The following DNAH3 variants were observed in gnomAD, a reference collection of about 807,000 sequenced individuals.
DNAH3 encodes the protein dynein axonemal heavy chain 3, also known as axonemal beta dynein heavy chain 3.
In DNAH3, 332 loss-of-function variants were observed where a neutral mutation model predicts 432.5. The observed-to-expected ratio is 0.77, with a 90% CI of 0.70 to 0.84. The LOEUF is 0.84. DNAH3 is among the 40% of genes least tolerant of loss of function. The pLI, the probability that DNAH3 is intolerant of heterozygous loss-of-function variation, is 0.00. For synonymous variants in DNAH3, 1,956 were observed against 1,900.2 expected (o/e 1.03, Z -0.76); for missense variants, 4,861 against 5,114.0 (o/e 0.95, Z 1.51).
intron 26 of DNAH3, among the ~76,000 whole-genome samples, chr16:21,059,134 A>G (rs1349301577): frequency 6.6e-6 from 1 of 152,224 alleles, no homozygotes; most frequent in Non-Finnish European, 1.5e-5. Context: ...GTCTTATAAC[A>G]TTATGTTGTA....
chr16:21,123,720 T>C (rs2092390750), intron 9 of DNAH3, among the ~76,000 whole-genome samples: 1 of 152,204 alleles, frequency 6.6e-6, no homozygotes, highest in South Asian at 2.1e-4. Context: ...AGAATATTCA[T>C]CGATTTTTAG....
chr16:21,037,927 G>A, exon 34 of DNAH3: 1 of 1,614,216 alleles, frequency 6.2e-7, no homozygotes, highest in Non-Finnish European at 8.5e-7. Flanking sequence ...GTGATGCTGA[G>A]AGGACAGTTG....
At chr16:21,048,351 G>A (rs1239976184) in intron 31 of DNAH3, among the ~76,000 whole-genome samples, 3 of 152,264 alleles carry the variant, frequency 2.0e-5, no homozygotes, top group East Asian at 3.9e-4. Context: ...AGGACCCTCC[G>A]AGCCAGGTGC....
Position 21,079,698 on chromosome 16 carries a change from C to T in DNAH3, c.2969+1938G>A, listed in dbSNP as rs138309876. On this transcript the variant is annotated intron_variant, in intron 20 of 61. Coordinates refer to ENST00000261383, the Ensembl canonical transcript of DNAH3. The stretch of plus-strand genomic sequence containing the variant: ...CAGGTATATAAAATGCTGAGTGCAG[C>T]ATAAGTGTTCAATAGCTAGTGTCTC... 2.3e-3 allele frequency among the ~76,000 whole-genome samples: 344 copies of T among 152,230 alleles called. 3 individuals are homozygous for T. The highest frequency in any genetic ancestry group is 4.1e-3 in the Non-Finnish European group (277 of 68,022).
At chr16:20,945,540 G>A (rs187798926) in intron 57 of DNAH3, among the ~76,000 whole-genome samples, 7 of 151,698 alleles carry the variant, frequency 4.6e-5, no homozygotes, top group Non-Finnish European at 7.4e-5. Context: ...TGCCAGGCTG[G>A]AGTGCAGTGG....
chr16:20,998,825 G>A (rs1482126272), intron 43 of DNAH3, among the ~76,000 whole-genome samples: 1 of 151,732 alleles, frequency 6.6e-6, no homozygotes, highest in Non-Finnish European at 1.5e-5. Context: ...TTTGTGTGGG[G>A]TAACATTTTA....
Position 21,096,647 on chromosome 16 carries a change from T to G in DNAH3, c.2665+708A>C, listed in dbSNP as rs187314397. Among the ~76,000 whole-genome samples the G allele has an allele frequency of 6.8e-3, 946 of 138,310 alleles. 7 individuals carry two copies. Among genetic ancestry groups the G allele is most frequent in the Middle Eastern group, 0.012 (3 of 248 alleles). The allele number at this position is 138,310 out of a possible 152,430, so 90.7% of individuals were successfully genotyped here. A position where few individuals can be genotyped will look rare whatever the true frequency, so the allele number is the denominator to read the frequency against. On this transcript the variant is annotated intron_variant, in intron 18 of 61. Coordinates refer to ENST00000261383, the Ensembl canonical transcript of DNAH3. ...AACTCAATGTATTCAAGTTGATGGG[T>G]TTTTTTTTATTTGTTTGTTTTGTTT...
intron 21 of DNAH3, among the ~76,000 whole-genome samples, chr16:21,073,238 AT>A (rs2090857314): frequency 6.6e-6 from 1 of 152,192 alleles, no homozygotes; most frequent in Non-Finnish European, 1.5e-5. Flanking sequence ...TGGGCTATTA[AT>A]AAAGTGGTTT....
chr16:21,158,079 CAG>C lies in DNAH3; in HGVS notation c.117+1244_117+1245del, dbSNP rs925902340. Among the ~76,000 whole-genome samples, 6 of 152,168 alleles carry C rather than the reference CAG, an allele frequency of 3.9e-5. No homozygotes were observed. The South Asian group carries it at 6.2e-4, about 16-fold the overall frequency. ...AGGGCAGATTTGGGGCCAGGGGAAA[CAG>C]GGGCTCCTGCTCCGACTTGGATCCA... On this transcript the variant is annotated intron_variant, in intron 1 of 61. Coordinates refer to ENST00000261383, the Ensembl canonical transcript of DNAH3.
At chr16:21,152,232 CA>C (rs113784810) in intron 1 of DNAH3, among the ~76,000 whole-genome samples, 2 of 149,960 alleles carry the variant, frequency 1.3e-5, no homozygotes, top group East Asian at 1.9e-4. Context: ...AACTCCATCT[CA>C]AAAAAAAAGA....
At chr16:20,973,375 C>G (rs1307940658) in intron 51 of DNAH3, among the ~76,000 whole-genome samples, 1 of 152,088 alleles carries the variant, frequency 6.6e-6, no homozygotes, top group Admixed American at 6.6e-5. Context: ...ACCTCAGCCT[C>G]CTGAGTAGCT....
At chr16:21,038,053 C>T in intron 33 of DNAH3, 73 bp from the exon 34 acceptor site, 14 of 1,376,090 alleles carry the variant, frequency 1.0e-5, no homozygotes, top group Non-Finnish European at 1.4e-5. Context: ...TCCCAATATC[C>T]TTGTCCTTGC....
intron 1 of DNAH3, among the ~76,000 whole-genome samples, chr16:21,153,840 A>G (rs1009716579): frequency 1.9e-4 from 29 of 152,182 alleles, no homozygotes; most frequent in Non-Finnish European, 3.8e-4. Context: ...AATAGAACCA[A>G]GTACTTCCAT....
intron 42 of DNAH3, among the ~76,000 whole-genome samples, chr16:21,000,876 A>G (rs558622752): frequency 6.6e-6 from 1 of 152,316 alleles, no homozygotes; most frequent in South Asian, 2.1e-4. Context: ...TCTGATTCCA[A>G]AGTCTACAGT....
chr16:21,159,386 G>A (rs764450266), exon 1 of DNAH3: 2 of 1,614,114 alleles, frequency 1.2e-6, no homozygotes, highest in African/African-American at 1.3e-5. Context: ...CTGAAAGGCT[G>A]GGCCCGGATG....
chr16:21,019,577 T>A, intron 41 of DNAH3, 47 bp downstream of exon 41: 1 of 1,605,136 alleles, frequency 6.2e-7, no homozygotes, highest in Non-Finnish European at 8.5e-7. Context: ...TTAGAACACG[T>A]AATTCCAACT....
chr16:20,993,412 A>T (rs1353869244), intron 44 of DNAH3, among the ~76,000 whole-genome samples: 1 of 152,182 alleles, frequency 6.6e-6, no homozygotes, highest in East Asian at 1.9e-4. Flanking sequence ...ATTACCTGAA[A>T]TCCATTTTCT....
intron 18 of DNAH3, among the ~76,000 whole-genome samples, chr16:21,096,082 T>C (rs1310332995): frequency 6.6e-6 from 1 of 151,956 alleles, no homozygotes; most frequent in Non-Finnish European, 1.5e-5. Flanking sequence ...CTTGTGTTTA[T>C]AAATACTGAA....
chr16:21,142,445 A>T (rs1040950524), intron 3 of DNAH3, among the ~76,000 whole-genome samples: 2 of 152,164 alleles, frequency 1.3e-5, no homozygotes, highest in African/African-American at 4.8e-5. Context: ...TTTTAAAAGA[A>T]ATTTTATGAT....
Sources: allele counts gnomAD v4.1 joint callset (sites outside exome capture counted in the v4.1 genomes callset), GRCh38; gene constraint gnomAD v4.1.1; transcripts MANE v1.5; gene names NCBI Gene and HGNC (gene_info 2026-07-23, HGNC 2026-07-21).